Variants in TMEM26 observed in about 807,000 individuals in gnomAD.
TMEM26 encodes the protein transmembrane protein 26.
Under a neutral mutation model 28.8 loss-of-function variants are expected in TMEM26, and 38 were observed. That is an observed-to-expected ratio of 1.32 (90% CI 1.02 to 1.73). The LOEUF (loss-of-function observed/expected upper bound fraction) is 1.73. TMEM26 is among the 40% of genes most tolerant of loss of function. The pLI, the probability that TMEM26 is intolerant of heterozygous loss-of-function variation, is 0.00. For synonymous variants in TMEM26, 227 were observed against 182.9 expected (o/e 1.24, Z -1.95); for missense variants, 518 against 447.1 (o/e 1.16, Z -1.43).
At chr10:61,452,649 G>C in intron 1 of TMEM26, 1 of 494,904 alleles carries the variant, frequency 2.0e-6, no homozygotes, top group South Asian at 3.1e-5. Flanking sequence ...CCAAACCTGA[G>C]ACTGGGTGAC....
Position 61,407,715 on chromosome 10 carries a change from C to T in TMEM26, c.*2607G>A, listed in dbSNP as rs1351242140. On this transcript the variant is annotated 3_prime_UTR_variant, in exon 6 of 6. Transcript: ENST00000399298. ...TAAATAACAACTATGGCAATAATAC[C>T]AACAGCACCAACAACCTCAAATAAG... 2 of 152,042 alleles carry T rather than the reference C, an allele frequency of 1.3e-5. No individual in the cohort carries two copies. Among genetic ancestry groups the T allele is most frequent in the Admixed American group, 6.6e-5 (1 of 15,252 alleles). 9.4% of individuals were successfully genotyped at this position (152,042 alleles called of 1,614,324 possible). A position where few individuals can be genotyped will look rare whatever the true frequency, so the allele number is the denominator to read the frequency against.
chr10:61,445,640 T>G (rs1840167763), intron 1 of TMEM26, among the ~76,000 whole-genome samples: 1 of 152,146 alleles, frequency 6.6e-6, no homozygotes, highest in African/African-American at 2.4e-5. Flanking sequence ...AATATGACTT[T>G]CCAAAAAAGT....
At chr10:61,446,389 C>A (rs563619734) in intron 1 of TMEM26, among the ~76,000 whole-genome samples, 4 of 152,228 alleles carry the variant, frequency 2.6e-5, no homozygotes, top group African/African-American at 9.6e-5. Context: ...AGGAAGATAA[C>A]AAATACAAGC....
chr10:61,411,754 A>T (rs1352513244), intron 5 of TMEM26, among the ~76,000 whole-genome samples: 5 of 152,236 alleles, frequency 3.3e-5, no homozygotes, highest in Admixed American at 1.3e-4. Flanking sequence ...TTCAGGGTCA[A>T]GGGCAGAAAA....
chr10:61,430,557 T>A (rs1358539112), intron 3 of TMEM26, among the ~76,000 whole-genome samples: 4 of 134,046 alleles, frequency 3.0e-5, no homozygotes, highest in African/African-American at 2.9e-5. Flanking sequence ...AGGTAGAAAA[T>A]CCCAAAGAAC....
chr10:61,453,041 A>T lies in TMEM26; in HGVS notation c.41T>A (p.Leu14Ter). The change falls in exon 1 of 6, where the codon TTG becomes TAG. Residue 14 changes from leucine to a stop codon, truncating the protein, a stop_gained. Transcript: ENST00000399298. LOFTEE classifies it high-confidence loss of function. ...GACCAGCGAGTGCAGCAGGAACAGC[A>T]ACCGAGTGGCCAGGGCGTTAAGGAA... ...LVFLNALATR[L>*]LFLLHSLVGV... 1.2e-6 allele frequency: 2 copies of T among 1,613,708 alleles called. No individual in the cohort carries two copies. The highest frequency in any genetic ancestry group is 1.7e-6 in the Non-Finnish European group (2 of 1,179,988).
chr10:61,449,116 G>A (rs1487994852), intron 1 of TMEM26, among the ~76,000 whole-genome samples: 3 of 152,148 alleles, frequency 2.0e-5, no homozygotes, highest in African/African-American at 7.2e-5. Flanking sequence ...TTACAGAAAT[G>A]TAATTAAATA....
intron 1 of TMEM26, among the ~76,000 whole-genome samples, chr10:61,446,398 G>C (rs1840180848): frequency 6.6e-6 from 1 of 152,024 alleles, no homozygotes; most frequent in Admixed American, 6.5e-5. Flanking sequence ...ACAAATACAA[G>C]CAAACCTTGG....
chr10:61,441,089 T>C (rs956987933), intron 1 of TMEM26, among the ~76,000 whole-genome samples: 1 of 152,244 alleles, frequency 6.6e-6, no homozygotes, highest in Admixed American at 6.5e-5. Context: ...TTGTGTTTTT[T>C]TTCCCAAATA....
chr10:61,410,879 T>C (rs555323577), intron 5 of TMEM26, 133 bp from the exon 6 acceptor site: 3 of 935,386 alleles, frequency 3.2e-6, no homozygotes, highest in Non-Finnish European at 4.8e-6. Context: ...AGGATGGAAA[T>C]CAAATGGAAT....
chr10:61,453,030 G>C lies in TMEM26; in HGVS notation c.52C>G (p.Leu18Val). 6.2e-7 allele frequency: 1 copy of C among 1,613,856 alleles called. No individual in the cohort carries two copies. The highest frequency in any genetic ancestry group is 8.5e-7 in the Non-Finnish European group (1 of 1,180,032). The stretch of plus-strand genomic sequence containing the variant: ...CGCCAGACCCCGACCAGCGAGTGCA[G>C]CAGGAACAGCAACCGAGTGGCCAGG... The part of the protein sequence containing the change: ...NALATRLLFL[L>V]HSLVGVWRVT... Residue 18 changes from leucine to valine, a missense_variant, in exon 1 of 6, where the codon CTG (leucine) becomes GTG (valine). Physicochemically the swap from Leu to Val is conservative, Grantham distance 32 (BLOSUM62 1). Coordinates refer to ENST00000399298, the MANE Select transcript of TMEM26 (RefSeq NM_178505.8).
chr10:61,407,756 G>A lies in TMEM26; in HGVS notation c.*2566C>T, dbSNP rs1482750761. On this transcript the variant is annotated 3_prime_UTR_variant, in exon 6 of 6. Transcript: ENST00000399298. ...CTCAAATAAGCCACTTTCTTCAGGG[G>A]TTGGGGAGTGACCTACTGTGTGTTG... 1 of 152,164 alleles carries A rather than the reference G, an allele frequency of 6.6e-6. No individual in the cohort carries two copies. Among genetic ancestry groups the A allele is most frequent in the African/African-American group, 2.4e-5 (1 of 41,434 alleles). 9.4% of individuals were successfully genotyped at this position (152,164 alleles called of 1,614,324 possible).
intron 1 of TMEM26, among the ~76,000 whole-genome samples, chr10:61,447,671 A>G (rs1235504054): frequency 6.6e-6 from 1 of 152,162 alleles, no homozygotes; most frequent in Non-Finnish European, 1.5e-5. Flanking sequence ...AGAGTAGAAA[A>G]ACAGTATTAA....
At chr10:61,411,101 C>T (rs1215108862) in intron 5 of TMEM26, among the ~76,000 whole-genome samples, 1 of 152,136 alleles carries the variant, frequency 6.6e-6, no homozygotes, top group African/African-American at 2.4e-5. Flanking sequence ...TAAAGGAAGC[C>T]ACCATTGTGA....
chr10:61,436,297 T>C, intron 1 of TMEM26, 49 bp from the exon 2 acceptor site: 1 of 1,270,752 alleles, frequency 7.9e-7, no homozygotes, highest in Non-Finnish European at 1.1e-6. Context: ...AAGCTAATTT[T>C]CCAAAAAAAA....
At chr10:61,418,018 G>A (rs1839682237) in intron 4 of TMEM26, among the ~76,000 whole-genome samples, 1 of 151,990 alleles carries the variant, frequency 6.6e-6, no homozygotes, top group African/African-American at 2.4e-5. Context: ...AGAACAGTGG[G>A]AATCTGAAGC....
At chr10:61,432,203 C>A (rs538758269) in intron 2 of TMEM26, among the ~76,000 whole-genome samples, 3 of 152,164 alleles carry the variant, frequency 2.0e-5, no homozygotes, top group South Asian at 2.1e-4. Flanking sequence ...ATAATCCAAT[C>A]ATTTTTAATC....
intron 4 of TMEM26, among the ~76,000 whole-genome samples, chr10:61,426,513 G>T (rs1839835941): frequency 6.6e-6 from 1 of 152,038 alleles, no homozygotes; most frequent in African/African-American, 2.4e-5. Context: ...ACTTCAATGT[G>T]AGCCAAAGGA....
intron 1 of TMEM26, among the ~76,000 whole-genome samples, chr10:61,441,257 C>T (rs1258866475): frequency 2.6e-5 from 4 of 152,176 alleles, no homozygotes; most frequent in Admixed American, 2.6e-4. Flanking sequence ...ACAGTTTCTA[C>T]TTTCCTGACA....
Sources: allele counts gnomAD v4.1 joint callset (sites outside exome capture counted in the v4.1 genomes callset), GRCh38; gene constraint gnomAD v4.1.1; transcripts MANE v1.5; gene names NCBI Gene and HGNC (gene_info 2026-07-23, HGNC 2026-07-21).